The following SRGAP3 variants were observed in gnomAD, a reference collection of about 807,000 sequenced individuals.
SRGAP3 encodes SLIT-ROBO Rho GTPase activating protein 3.
In SRGAP3, 39 loss-of-function variants were observed where a neutral mutation model predicts 121.1. The ratio of observed to expected loss-of-function variants is 0.32; its 90% CI spans 0.25 to 0.42. The LOEUF (loss-of-function observed/expected upper bound fraction) is 0.42. Ranked by LOEUF, SRGAP3 falls within the 10% of genes least tolerant of loss-of-function variation. The pLI is 1.00. For missense variants in SRGAP3, 1,213 were observed against 1,470.6 expected (o/e 0.82, Z 2.86); for synonymous variants, 601 against 570.0 (o/e 1.05, Z -0.77).
chr3:9,208,739 A>G (rs781201008), intron 1 of SRGAP3, among the ~76,000 whole-genome samples: 2 of 152,222 alleles, frequency 1.3e-5, no homozygotes, highest in Non-Finnish European at 2.9e-5. Context: ...AGTTCAGCAC[A>G]GGGCTCGGGT....
chr3:9,025,177 G>T, intron 14 of SRGAP3, 84 bp downstream of exon 14: 1 of 1,460,552 alleles, frequency 6.8e-7, no homozygotes, highest in Non-Finnish European at 9.6e-7. Flanking sequence ...GCTGGCTTCT[G>T]CACACCACTG....
intron 1 of SRGAP3, among the ~76,000 whole-genome samples, chr3:9,175,798 G>C (rs1213797327): frequency 6.6e-6 from 1 of 152,214 alleles, no homozygotes; most frequent in East Asian, 1.9e-4. Context: ...CATGTTTAGA[G>C]AGAAAAAGGG....
intron 3 of SRGAP3, among the ~76,000 whole-genome samples, chr3:9,305,870 A>G (rs1955152431): frequency 6.6e-6 from 1 of 152,212 alleles, no homozygotes; most frequent in South Asian, 2.1e-4. Flanking sequence ...CAATAAACAT[A>G]CGTGTGCATG....
chr3:9,250,345 G>A (rs1953978397), upstream of SRGAP3, among the ~76,000 whole-genome samples: 1 of 152,106 alleles, frequency 6.6e-6, no homozygotes, highest in South Asian at 2.1e-4. Context: ...AGCTCCCGGG[G>A]CTCCACATCA....
rs565672063 is a variant in SRGAP3 at position 9,161,336 on chromosome 3, G to T, written c.68-36419C>A. 3.3e-3 allele frequency among the ~76,000 whole-genome samples: 496 copies of T among 152,336 alleles called. 5 individuals carry two copies. Among genetic ancestry groups the T allele is most frequent in the Non-Finnish European group, 5.8e-3 (393 of 68,030 alleles). On this transcript the variant is annotated intron_variant, in intron 1 of 21. Coordinates refer to ENST00000383836, the MANE Select transcript of SRGAP3 (RefSeq NM_014850.4). Reference sequence around the variant, plus strand: ...ACTCCCATGGGCCAGTGCCTCTCTTGCTCATCGCTTTATCCCCAACAGTGG... The same window carrying T: ...ACTCCCATGGGCCAGTGCCTCTCTTTCTCATCGCTTTATCCCCAACAGTGG...
chr3:9,097,053 C>A (rs551980476), intron 3 of SRGAP3, among the ~76,000 whole-genome samples: 14 of 146,340 alleles, frequency 9.6e-5, no homozygotes, highest in African/African-American at 3.5e-4. Context: ...TACAGTGGTA[C>A]AATCTTGGCG....
Position 9,045,509 on chromosome 3 carries a change from A to AATG in SRGAP3, c.1408+1879_1408+1881dup, listed in dbSNP as rs759746569. Among the ~76,000 whole-genome samples, 1,410 of 151,358 alleles carry AATG rather than the reference A, an allele frequency of 9.3e-3. 29 individuals are homozygous for AATG. Among genetic ancestry groups the AATG allele is most frequent in the African/African-American group, 0.031 (1,287 of 41,248 alleles). The stretch of plus-strand genomic sequence containing the variant: ...TTATGCCAAAACTAAGTATGGTGAT[A>AATG]ATGATGATGATGATGATGATGATGA... On this transcript the variant is annotated intron_variant, in intron 10 of 21. Coordinates refer to ENST00000383836, the MANE Select transcript of SRGAP3 (RefSeq NM_014850.4).
intron 2 of SRGAP3, among the ~76,000 whole-genome samples, chr3:9,106,129 T>C (rs982005237): frequency 5.3e-5 from 8 of 152,366 alleles, no homozygotes; most frequent in Non-Finnish European, 1.2e-4. Flanking sequence ...CATCTGTATT[T>C]GCCAAAGACC....
At chr3:9,133,874 G>C (rs552516005) in intron 1 of SRGAP3, among the ~76,000 whole-genome samples, 1 of 152,320 alleles carries the variant, frequency 6.6e-6, no homozygotes, top group South Asian at 2.1e-4. Context: ...GTTTGGAGAC[G>C]GGGAGTGGTA....
chr3:9,270,648 C>T (rs941196326), intron 3 of SRGAP3, among the ~76,000 whole-genome samples: 1 of 152,154 alleles, frequency 6.6e-6, no homozygotes, highest in African/African-American at 2.4e-5. Flanking sequence ...TATATACACA[C>T]ATATACACAA....
At chr3:9,271,144 A>G (rs1160509022) in intron 3 of SRGAP3, among the ~76,000 whole-genome samples, 1 of 152,126 alleles carries the variant, frequency 6.6e-6, no homozygotes, top group Non-Finnish European at 1.5e-5. Flanking sequence ...GACAGCCTGG[A>G]AAACATGGCA....
chr3:9,023,724 C>T (rs1234903400), intron 14 of SRGAP3, among the ~76,000 whole-genome samples: 1 of 152,174 alleles, frequency 6.6e-6, no homozygotes, highest in Non-Finnish European at 1.5e-5. Context: ...TCAGTGCATG[C>T]TTGTTTAGTG....
chr3:9,230,941 TC>T (rs1953188939), intron 1 of SRGAP3, among the ~76,000 whole-genome samples: 1 of 151,680 alleles, frequency 6.6e-6, no homozygotes, highest in South Asian at 2.1e-4. Flanking sequence ...CTGAGATCGG[TC>T]CCCTGTCTTC....
chr3:9,260,128 T>A lies in SRGAP3; in HGVS notation n.442+65882A>T, dbSNP rs549467774. Among the ~76,000 whole-genome samples, 6 of 152,258 alleles carry A rather than the reference T, an allele frequency of 3.9e-5. No homozygotes were observed. In the South Asian group the frequency reaches 1.2e-3, roughly 32 times the overall value. On this transcript the variant is annotated intron_variant and non_coding_transcript_variant, in intron 3 of 3. Transcript: ENST00000490889. ...ACAGTGCTATCCAGCCCAGATACTA[T>A]GCTTTTCCCATTGTCTTCGCAACCC...
intron 3 of SRGAP3, among the ~76,000 whole-genome samples, chr3:9,297,059 A>AT (rs1448023625): frequency 1.3e-5 from 2 of 151,982 alleles, no homozygotes; most frequent in Non-Finnish European, 2.9e-5. Context: ...TAATTTCTTT[A>AT]TTTTTTGTAG....
intron 3 of SRGAP3, among the ~76,000 whole-genome samples, chr3:9,285,513 C>T (rs975303535): frequency 1.3e-5 from 2 of 152,174 alleles, no homozygotes; most frequent in African/African-American, 2.4e-5. Context: ...TCTGAAGACA[C>T]AGGGATGCAG....
chr3:9,326,926 C>T lies in SRGAP3; in HGVS notation n.284-758G>A, dbSNP rs973869511. Among the ~76,000 whole-genome samples, 5 of 151,786 alleles carry T rather than the reference C, an allele frequency of 3.3e-5. No individual in the cohort carries two copies. The East Asian group carries it at 9.6e-4, about 29-fold the overall frequency. ...AGGAGACTCAGCTCTCCAAACAAGA[C>T]CCAATGAAGATAGCATGAGGCCAAC... On this transcript the variant is annotated intron_variant and non_coding_transcript_variant, in intron 2 of 3. Transcript: ENST00000490889.
intron 3 of SRGAP3, among the ~76,000 whole-genome samples, chr3:9,279,460 T>C (rs984727208): frequency 6.6e-6 from 1 of 150,574 alleles, no homozygotes; most frequent in Non-Finnish European, 1.5e-5. Context: ...CTGAGCAAAA[T>C]CCAAGCTACT....
chr3:9,107,253 A>T (rs1313844635), intron 2 of SRGAP3, among the ~76,000 whole-genome samples: 1 of 152,206 alleles, frequency 6.6e-6, no homozygotes, highest in South Asian at 2.1e-4. Context: ...GGGCACCCAA[A>T]GGTGGCCGTG....
Sources: gnomAD v4.1 joint callset for allele counts (sites outside exome capture counted in the v4.1 genomes callset) on GRCh38, gnomAD v4.1.1 for gene constraint, MANE v1.5 for transcripts, NCBI Gene and HGNC (gene_info 2026-07-23, HGNC 2026-07-21) for gene names.